Variants in CLCA2 observed in about 807,000 individuals in gnomAD.
CLCA2 encodes chloride channel accessory 2, also known as calcium-activated chloride channel regulator 2.
In CLCA2, 85 loss-of-function variants were observed where a neutral mutation model predicts 82.9. The observed-to-expected ratio is 1.03, with a 90% confidence interval of 0.86 to 1.23. CLCA2 has a LOEUF of 1.23. CLCA2 is among the 50% of genes most tolerant of loss of function. The pLI is 0.00. For synonymous variants in CLCA2, 421 were observed against 391.7 expected (o/e 1.07, Z -0.88); for missense variants, 1,089 against 1,124.8 (o/e 0.97, Z 0.45).
rs373524839 is a variant in CLCA2 at position 86,430,967 on chromosome 1, C to T, written c.581C>T (p.Thr194Ile). Residue 194 changes from threonine to isoleucine, a missense_variant, in exon 4 of 14, where the codon ACA (threonine) becomes ATA (isoleucine). Coordinates refer to ENST00000370565, the MANE Select transcript of CLCA2 (RefSeq NM_006536.7). The part of the protein sequence containing the change: ...YINGQNQIKV[T>I]RCSSDITGIF... ...AATGGGCAAAATCAAATTAAAGTGA[C>T]AAGGTTAGTACTTTTTTTCATGTTA... 21 of 1,597,722 alleles carry T rather than the reference C, an allele frequency of 1.3e-5. No individual in the cohort carries two copies. Among genetic ancestry groups the T allele is most frequent in the Non-Finnish European group, 1.7e-5 (20 of 1,166,246 alleles).
At chr1:86,433,482 C>T (rs187438066) in intron 5 of CLCA2, among the ~76,000 whole-genome samples, 4 of 152,186 alleles carry the variant, frequency 2.6e-5, no homozygotes, top group South Asian at 2.1e-4. Context: ...TTGTCCCATA[C>T]ATTATGTTTC....
chr1:86,437,446 A>C (rs996611560), intron 6 of CLCA2, among the ~76,000 whole-genome samples: 1 of 152,188 alleles, frequency 6.6e-6, no homozygotes, highest in Non-Finnish European at 1.5e-5. Flanking sequence ...GGAAGGTTTC[A>C]CTGAGAGAAT....
rs1463036814 is a variant in CLCA2, at chr1:86,430,959, T to C, written c.573T>C (p.Ile191=). 1.2e-6 allele frequency: 2 copies of C among 1,608,044 alleles called. No individual in the cohort carries two copies. The highest frequency in any genetic ancestry group is 1.7e-6 in the Non-Finnish European group (2 of 1,175,176). The change falls in exon 4 of 14, where the codon ATT becomes ATC. Residue 191 remains isoleucine (I), a synonymous_variant. Coordinates refer to ENST00000370565, the MANE Select transcript of CLCA2 (RefSeq NM_006536.7). ...KPFYINGQNQ[I]KVTRCSSDIT... is the part of the protein sequence containing the mutation. ...TCTACATAAATGGGCAAAATCAAAT[T>C]AAAGTGACAAGGTTAGTACTTTTTT... is the stretch of plus-strand genomic sequence containing the variant.
chr1:86,443,865 G>A lies in CLCA2; in HGVS notation c.1567G>A (p.Asp523Asn), dbSNP rs760101929. 9.3e-6 allele frequency: 15 copies of A among 1,613,886 alleles called. No individual in the cohort carries two copies. Among genetic ancestry groups the A allele is most frequent in the Middle Eastern group, 1.6e-4 (1 of 6,080 alleles). Residue 523 changes from aspartate to asparagine, a missense_variant, in exon 10 of 14, where the codon GAC (aspartate) becomes AAC (asparagine). Transcript: ENST00000370565. ...TVTVDNTVGNDTMFLVTWQAS... is the reference protein window; with the variant it reads ...TVTVDNTVGNNTMFLVTWQAS... ...GACTGTGGATAATACTGTGGGCAACGACACTATGTTTCTAGTTACGTGGCA... is the reference window on the plus strand; with the variant it reads ...GACTGTGGATAATACTGTGGGCAACAACACTATGTTTCTAGTTACGTGGCA...
Position 86,447,602 on chromosome 1 carries a change from C to T in CLCA2, c.1808C>T (p.Pro603Leu). 6.2e-7 allele frequency: 1 copy of T among 1,614,108 alleles called. No homozygotes were observed. ...VTSRASNSAV[P>L]PATVEAFVER... The stretch of plus-strand genomic sequence containing the variant: ...TCTCGCGCCTCCAACTCAGCTGTGC[C>T]CCCAGCCACTGTGGAAGCCTTTGTG... The change falls in exon 11 of 14, where the codon CCC (proline) becomes CTC (leucine). Residue 603 changes from proline (P) to leucine (L), a missense_variant. Pro to Leu is a moderately conservative substitution (Grantham distance 98). Transcript: ENST00000370565.
At chr1:86,451,210 G>T (rs1455138125) in intron 12 of CLCA2, among the ~76,000 whole-genome samples, 2 of 152,100 alleles carry the variant, frequency 1.3e-5, no homozygotes, top group African/African-American at 4.8e-5. Flanking sequence ...AAGATGTTTT[G>T]CTTTTCTTCA....
chr1:86,435,823 T>A (rs72951852), intron 6 of CLCA2, among the ~76,000 whole-genome samples: 2,766 of 152,268 alleles, frequency 0.018, 89 homozygotes, highest in African/African-American at 0.064. Context: ...CACTTCTTAA[T>A]TTTTCCTACT....
In CLCA2 at chr1:86,455,366, A is replaced by C. The variant is rs1236724968; in HGVS notation, c.2671A>C (p.Asn891His). 8 of 1,612,214 alleles carry C rather than the reference A, an allele frequency of 5.0e-6. No homozygotes were observed. The highest frequency in any genetic ancestry group is 5.1e-6 in the Non-Finnish European group (6 of 1,179,452). ...IAQAPLFIPP[N>H]SDPVPARDYL... ...CCAGGCGCCTCTGTTTATTCCCCCCAATTCTGATCCTGTACCTGCCAGAGA... is the reference window on the plus strand; with the variant it reads ...CCAGGCGCCTCTGTTTATTCCCCCCCATTCTGATCCTGTACCTGCCAGAGA... Residue 891 changes from asparagine (N) to histidine (H), a missense_variant, in exon 14 of 14, where the codon AAT becomes CAT. By Grantham distance (68) the Asn-to-His change is moderately conservative. Transcript: ENST00000370565.
In CLCA2 at chr1:86,425,355, C is replaced by T. The variant is rs748171859; in HGVS notation, c.203C>T (p.Ala68Val). The change falls in exon 2 of 14, where the codon GCT (alanine) becomes GTT (valine). Residue 68 changes from alanine (A) to valine (V), a missense_variant. Ala to Val is a moderately conservative substitution (Grantham distance 64). Coordinates refer to ENST00000370565, the MANE Select transcript of CLCA2 (RefSeq NM_006536.7). ...ISNIKEMITE[A>V]SFYLFNATKR... ...TGGCTGTAGGAAATGATAACTGAAG[C>T]TTCATTTTACCTATTTAATGCTACC... is the stretch of plus-strand genomic sequence containing the variant. The T allele has an allele frequency of 1.3e-6, 2 of 1,554,032 alleles. No homozygotes were observed. Among genetic ancestry groups the T allele is most frequent in the Admixed American group, 2.0e-5 (1 of 49,710 alleles).
intron 10 of CLCA2, among the ~76,000 whole-genome samples, chr1:86,444,878 T>TTTTGTTG (rs1553184888): frequency 1.4e-5 from 2 of 138,066 alleles, no homozygotes; most frequent in Non-Finnish European, 3.2e-5. Context: ...CCACCCCCAC[T>TTTTGTTG]TTTGTTGTTG....
intron 10 of CLCA2, among the ~76,000 whole-genome samples, chr1:86,446,729 C>T (rs1308636495): frequency 6.6e-6 from 1 of 152,108 alleles, no homozygotes; most frequent in African/African-American, 2.4e-5. Flanking sequence ...TCACTTGTTA[C>T]TTCTGGGGGT....
In CLCA2 at chr1:86,428,579, C is replaced by G. The variant is rs1160128958; in HGVS notation, c.475+11C>G. The G allele has an allele frequency of 2.5e-6, 4 of 1,610,526 alleles. No individual in the cohort carries two copies. Among genetic ancestry groups the G allele is most frequent in the Non-Finnish European group, 3.4e-6 (4 of 1,178,300 alleles). On this transcript the variant is annotated intron_variant, in intron 3 of 13. Transcript: ENST00000370565. ...GCTACGGATCACGAGGTAAGTGGGA[C>G]CAATAAAACAATAGCCATTGGACAA... is the stretch of plus-strand genomic sequence containing the variant.
chr1:86,441,312 C>A, intron 8 of CLCA2, 125 bp from the exon 9 acceptor site: 1 of 593,544 alleles, frequency 1.7e-6, no homozygotes, highest in Non-Finnish European at 2.9e-6. Context: ...GCAAGTCAAG[C>A]ACAGCTCCCA....
At chr1:86,439,137 C>T in intron 7 of CLCA2, 31 bp downstream of exon 7, 2 of 1,589,078 alleles carry the variant, frequency 1.3e-6, no homozygotes, top group Non-Finnish European at 8.6e-7. Context: ...CCTTGGATCA[C>T]CATCATTTTC....
intron 2 of CLCA2, among the ~76,000 whole-genome samples, chr1:86,427,338 C>T (rs1662407494): frequency 6.6e-6 from 1 of 152,002 alleles, no homozygotes; most frequent in African/African-American, 2.4e-5. Flanking sequence ...AAGAGTGTGA[C>T]CTCTTCAGCC....
chr1:86,437,370 A>G (rs1662635069), intron 6 of CLCA2, among the ~76,000 whole-genome samples: 1 of 152,202 alleles, frequency 6.6e-6, no homozygotes, highest in Non-Finnish European at 1.5e-5. Context: ...TAGGCTCCAC[A>G]GAGATGTGAG....
In CLCA2 at chr1:86,455,877, T is replaced by A. The variant is rs1179913253; in HGVS notation, c.*350T>A. The stretch of plus-strand genomic sequence containing the variant: ...AGGGTAGGTCTGCATTATAACTGTC[T>A]GTGTGAAGCAATCATTTAGTTACTT... On this transcript the variant is annotated 3_prime_UTR_variant, in exon 14 of 14. Coordinates refer to ENST00000370565, the MANE Select transcript of CLCA2 (RefSeq NM_006536.7). 1 of 157,166 alleles carries A rather than the reference T, an allele frequency of 6.4e-6. No individual in the cohort carries two copies. The highest frequency in any genetic ancestry group is 1.4e-5 in the Non-Finnish European group (1 of 71,568). The allele number at this position is 157,166 out of a possible 1,614,324, so 9.7% of individuals were successfully genotyped here.
rs1280691719 is a variant in CLCA2 at position 86,453,545 on chromosome 1, G to A, written c.2332G>A (p.Glu778Lys). ...TATTGACCTGGAAGCTGTAAAAGTA[G>A]AAGAGGAATTGACCCTATCTTGGAC... is the stretch of plus-strand genomic sequence containing the variant. ...KIIDLEAVKVEEELTLSWTAP... is the reference protein window; with the variant it reads ...KIIDLEAVKVKEELTLSWTAP... The change falls in exon 13 of 14, where the codon GAA becomes AAA. Residue 778 changes from glutamate (E) to lysine (K), a missense_variant. Physicochemically the swap from Glu to Lys is moderately conservative, Grantham distance 56. Transcript: ENST00000370565. The A allele has an allele frequency of 1.2e-6, 2 of 1,614,178 alleles. No homozygotes were observed. The highest frequency in any genetic ancestry group is 1.3e-5 in the African/African-American group (1 of 75,056).
Position 86,447,615 on chromosome 1 carries a change from G to A in CLCA2, c.1821G>A (p.Val607=). 1 of 1,614,084 alleles carries A rather than the reference G, an allele frequency of 6.2e-7. No homozygotes were observed. Among genetic ancestry groups the A allele is most frequent in the Non-Finnish European group, 8.5e-7 (1 of 1,180,000 alleles). The part of the protein sequence containing the change: ...ASNSAVPPAT[V]EAFVERDSLH... ...ACTCAGCTGTGCCCCCAGCCACTGT[G>A]GAAGCCTTTGTGGAAAGAGACAGCC... Residue 607 remains valine, a synonymous_variant, in exon 11 of 14, where the codon GTG becomes GTA. Transcript: ENST00000370565.
Sources: allele counts gnomAD v4.1 joint callset (sites outside exome capture counted in the v4.1 genomes callset), GRCh38; gene constraint gnomAD v4.1.1; transcripts MANE v1.5; gene names NCBI Gene and HGNC (gene_info 2026-07-23, HGNC 2026-07-21).